The following IL10RB variants were observed in gnomAD, a reference collection of about 807,000 sequenced individuals.
IL10RB encodes interleukin 10 receptor subunit beta.
In IL10RB, 30 loss-of-function variants were observed where a neutral mutation model predicts 38.7. The ratio of observed to expected loss-of-function variants is 0.78; its 90% confidence interval spans 0.58 to 1.05. IL10RB has a LOEUF of 1.05. Ranked by LOEUF, IL10RB falls within the 50% of genes least tolerant of loss-of-function variation. The pLI is 0.00. For synonymous variants in IL10RB, 142 were observed against 145.9 expected, an observed-to-expected ratio of 0.97 and a Z score of 0.19; for missense variants, 328 against 397.1, an observed-to-expected ratio of 0.83 and a Z score of 1.48.
Position 33,297,173 on chromosome 21 carries a change from T to C in IL10RB, c.*816T>C, listed in dbSNP as rs118117891. ...ATTTATTTTTCTACCTATATATGTT[T>C]TATATGCTGCTGGTGCTCCATTAAA... On this transcript the variant is annotated 3_prime_UTR_variant, in exon 7 of 7. Coordinates refer to ENST00000290200, the MANE Select transcript of IL10RB (RefSeq NM_000628.5). The C allele has an allele frequency of 2.9e-3, 446 of 154,146 alleles. No individual in the cohort carries two copies. The highest frequency in any genetic ancestry group is 0.01 in the Middle Eastern group (3 of 294). 9.5% of individuals were successfully genotyped at this position (154,146 alleles called of 1,614,324 possible).
At chr21:33,301,545 A>G (rs2082986017), downstream of IL10RB, among the ~76,000 whole-genome samples, 1 of 152,208 alleles carries the variant, frequency 6.6e-6, no homozygotes, top group African/African-American at 2.4e-5. Flanking sequence ...AGGAAACACA[A>G]GCCAGCTGCA....
chr21:33,289,300 G>T (rs1301634751), intron 6 of IL10RB, among the ~76,000 whole-genome samples: 1 of 152,228 alleles, frequency 6.6e-6, no homozygotes, highest in African/African-American at 2.4e-5. Flanking sequence ...TCTACTGGAA[G>T]CAGCTCCTCC....
intron 5 of IL10RB, among the ~76,000 whole-genome samples, chr21:33,285,526 C>T (rs8178510): frequency 1.3e-5 from 2 of 152,164 alleles, no homozygotes; most frequent in Non-Finnish European, 2.9e-5. Flanking sequence ...CTCTCTCCTG[C>T]CCCCTGTGGA....
In IL10RB at chr21:33,268,395, A is replaced by G; in HGVS notation, c.51A>G (p.Ala17=). ...AATGTTTTTGTCTTATTTTCATAGCATTGGGAATGGTACCACCTCCCGAAA... is the reference window on the plus strand; with the variant it reads ...AATGTTTTTGTCTTATTTTCATAGCGTTGGGAATGGTACCACCTCCCGAAA... ...SWLGGCLLVS[A]LGMVPPPENV... is the part of the protein sequence containing the mutation. The change falls in exon 2 of 7, where the codon GCA becomes GCG. Residue 17 remains alanine, a splice_region_variant and synonymous_variant. Transcript: ENST00000290200. 1 of 1,614,066 alleles carries G rather than the reference A, an allele frequency of 6.2e-7. No homozygotes were observed. Among genetic ancestry groups the G allele is most frequent in the South Asian group, 1.1e-5 (1 of 91,082 alleles).
rs780187887 is a variant in IL10RB at position 33,296,345 on chromosome 21, G to C, written c.966G>C (p.Gly322=). Residue 322 remains glycine, a synonymous_variant, in exon 7 of 7, where the codon GGG becomes GGC. Coordinates refer to ENST00000290200, the MANE Select transcript of IL10RB (RefSeq NM_000628.5). ...SCSLGTPPGQ[G]PQS ...GCCTCGGGACCCCGCCTGGGCAGGG[G>C]CCCCAAAGCTAGGCTCTGAGAAGGA... 4 of 1,613,364 alleles carry C rather than the reference G, an allele frequency of 2.5e-6. No homozygotes were observed. The highest frequency in any genetic ancestry group is 3.4e-6 in the Non-Finnish European group (4 of 1,179,968).
At chr21:33,303,249 A>G (rs540385055) in intron 1 of IL10RB, among the ~76,000 whole-genome samples, 1 of 151,814 alleles carries the variant, frequency 6.6e-6, no homozygotes, top group Non-Finnish European at 1.5e-5. Context: ...CCCCACATCT[A>G]TACTGATTAC....
At chr21:33,304,174 G>GACAGC (rs1485444797) in intron 1 of IL10RB, among the ~76,000 whole-genome samples, 2 of 152,226 alleles carry the variant, frequency 1.3e-5, no homozygotes, top group Non-Finnish European at 2.9e-5. Context: ...CCACGGCGGG[G>GACAGC]ACAGCACAGC....
intron 2 of IL10RB, among the ~76,000 whole-genome samples, chr21:33,269,948 A>G (rs1989046296): frequency 1.3e-5 from 2 of 151,946 alleles, no homozygotes; most frequent in African/African-American, 4.8e-5. Context: ...GTGAGCCACC[A>G]CGCCCGGCCC....
At position 33,296,304 on chromosome 21, in the gene IL10RB, C is replaced by T; in HGVS notation, c.925C>T (p.Pro309Ser). The change falls in exon 7 of 7, where the codon CCT (proline) becomes TCT (serine). Residue 309 changes from proline to serine, a missense_variant. Pro to Ser is a moderately conservative substitution (Grantham distance 74). Transcript: ENST00000290200. ...AGACTCTGAGAGCGGCAAGCAGAAT[C>T]CTGGTGACAGCTGCAGCCTCGGGAC... ...AEDSESGKQN[P>S]GDSCSLGTPP... The T allele has an allele frequency of 6.2e-7, 1 of 1,614,144 alleles. No homozygotes were observed. The highest frequency in any genetic ancestry group is 8.5e-7 in the Non-Finnish European group (1 of 1,180,028).
chr21:33,272,156 A>C (rs578191176), intron 2 of IL10RB, among the ~76,000 whole-genome samples: 1 of 152,310 alleles, frequency 6.6e-6, no homozygotes, highest in South Asian at 2.1e-4. Context: ...AATGATCTCT[A>C]TCTACTTTTT....
rs371590417 is a variant in IL10RB, at chr21:33,278,374, G to A, written c.332-1378G>A. 5.8e-4 allele frequency among the ~76,000 whole-genome samples: 89 copies of A among 152,144 alleles called. 1 individual carries two copies. In the South Asian group the frequency reaches 0.015, roughly 25 times the overall value. On this transcript the variant is annotated intron_variant, in intron 3 of 6. Transcript: ENST00000290200. Reference sequence around the variant, plus strand: ...TTCCATCCCAAGCCTGGGTAAAAACGTCTTACTTTTGGAATCATAAATTAT... The same window carrying A: ...TTCCATCCCAAGCCTGGGTAAAAACATCTTACTTTTGGAATCATAAATTAT...
At chr21:33,270,062 T>A (rs2123563654) in intron 2 of IL10RB, among the ~76,000 whole-genome samples, 1 of 152,372 alleles carries the variant, frequency 6.6e-6, no homozygotes, top group Non-Finnish European at 1.5e-5. Flanking sequence ...AGAACAAGGA[T>A]AATCTCTTAC....
chr21:33,267,376 A>ATATC (rs1442938713), intron 1 of IL10RB, among the ~76,000 whole-genome samples: 1 of 151,528 alleles, frequency 6.6e-6, no homozygotes, highest in Non-Finnish European at 1.5e-5. Flanking sequence ...TCGCACATTT[A>ATATC]TATCTCTCTT....
intron 2 of IL10RB, among the ~76,000 whole-genome samples, chr21:33,268,790 T>C (rs919845259): frequency 2.0e-5 from 3 of 152,200 alleles, no homozygotes; most frequent in African/African-American, 7.2e-5. Context: ...TATGTAGATA[T>C]AATCAGCCAT....
At chr21:33,268,570 C>G in intron 2 of IL10RB, 53 bp downstream of exon 2, 8 of 1,301,752 alleles carry the variant, frequency 6.1e-6, no homozygotes, top group Non-Finnish European at 8.9e-6. Flanking sequence ...CAGCCCTGGG[C>G]TGGTCACTGG....
At chr21:33,268,664 G>A in intron 2 of IL10RB, 147 bp downstream of exon 2, 1 of 716,132 alleles carries the variant, frequency 1.4e-6, no homozygotes, top group South Asian at 1.5e-5. Context: ...CCAGCCTTTT[G>A]CTGTCTGGGA....
chr21:33,289,987 G>C (rs539416311), intron 6 of IL10RB, among the ~76,000 whole-genome samples: 1 of 152,008 alleles, frequency 6.6e-6, no homozygotes, highest in Non-Finnish European at 1.5e-5. Flanking sequence ...GGTGGCGGGC[G>C]CCTGTAGTCC....
intron 4 of IL10RB, 38 bp from the exon 5 acceptor site, chr21:33,283,056 C>G: frequency 6.4e-7 from 1 of 1,564,184 alleles, no homozygotes; most frequent in Non-Finnish European, 8.8e-7. Context: ...TGCCCTTCCA[C>G]TGCTTAGTCA....
Position 33,266,414 on chromosome 21 carries a change from C to G in IL10RB, c.-52C>G, listed in dbSNP as rs1988941265. On this transcript the variant is annotated 5_prime_UTR_variant, in exon 1 of 7. Transcript: ENST00000290200. ...CGCCGCGGACAAGCTCTCCCGGGCG[C>G]GGGCGGGGGTCGTGTGCTTGGAGGA... 2 of 1,527,964 alleles carry G rather than the reference C, an allele frequency of 1.3e-6. No homozygotes were observed. Among genetic ancestry groups the G allele is most frequent in the Admixed American group, 3.9e-5 (2 of 50,636 alleles). The allele number at this position is 1,527,964 out of a possible 1,614,324, so 94.7% of individuals were successfully genotyped here. A position where few individuals can be genotyped will look rare whatever the true frequency, so the allele number is the denominator to read the frequency against.
Sources: allele counts gnomAD v4.1 joint callset (sites outside exome capture counted in the v4.1 genomes callset), GRCh38; gene constraint gnomAD v4.1.1; transcripts MANE v1.5; gene names NCBI Gene and HGNC (gene_info 2026-07-23, HGNC 2026-07-21).